The following SLC24A3 variants were observed in gnomAD, a reference collection of about 807,000 sequenced individuals.
SLC24A3 encodes solute carrier family 24 member 3, also known as sodium/potassium/calcium exchanger 3.
SLC24A3 carries 28 observed loss-of-function variants against 75.8 expected under a neutral mutation model. The ratio of observed to expected loss-of-function variants is 0.37; its 90% CI spans 0.27 to 0.51. The LOEUF (loss-of-function observed/expected upper bound fraction) is 0.51. Among genes scored for constraint, SLC24A3 ranks in the 20% least tolerant of loss-of-function variants. The probability of loss-of-function intolerance (pLI) is 0.94; values close to 1 mark genes in which losing one functional copy is unlikely to be tolerated. For synonymous variants in SLC24A3, 372 were observed against 334.1 expected (o/e 1.11, Z -1.24); for missense variants, 663 against 847.8 (o/e 0.78, Z 2.71).
At chr20:19,391,003 A>G (rs1397338096) in intron 2 of SLC24A3, among the ~76,000 whole-genome samples, 1 of 152,200 alleles carries the variant, frequency 6.6e-6, no homozygotes. Context: ...GCCTGGCACC[A>G]GTGTGGGCTT....
chr20:19,705,890 C>T (rs1242882289), intron 15 of SLC24A3, among the ~76,000 whole-genome samples: 1 of 152,078 alleles, frequency 6.6e-6, no homozygotes, highest in Non-Finnish European at 1.5e-5. Context: ...TACCTAAGTG[C>T]CCAAAATAAG....
chr20:19,470,933 G>A (rs568089232), intron 2 of SLC24A3, among the ~76,000 whole-genome samples: 7 of 152,288 alleles, frequency 4.6e-5, no homozygotes, highest in African/African-American at 1.7e-4. Context: ...GTGGGGGTTC[G>A]AAGCAGGATA....
chr20:19,222,015 TATC>T (rs1981728093), intron 1 of SLC24A3, among the ~76,000 whole-genome samples: 1 of 152,202 alleles, frequency 6.6e-6, no homozygotes, highest in African/African-American at 2.4e-5. Context: ...CTAATTTTCT[TATC>T]TCTTCTCTCC....
chr20:19,314,817 C>A (rs1031098895), intron 2 of SLC24A3, among the ~76,000 whole-genome samples: 7 of 152,224 alleles, frequency 4.6e-5, no homozygotes, highest in African/African-American at 1.7e-4. Flanking sequence ...GGTTACCAGG[C>A]CTTGGCCTGT....
At chr20:19,565,643 C>A (rs1472909495) in intron 3 of SLC24A3, among the ~76,000 whole-genome samples, 1 of 152,174 alleles carries the variant, frequency 6.6e-6, no homozygotes, top group Non-Finnish European at 1.5e-5. Flanking sequence ...CTGAGCAACC[C>A]AACCAAGACC....
intron 8 of SLC24A3, among the ~76,000 whole-genome samples, chr20:19,669,131 C>T (rs1009989744): frequency 4.6e-5 from 7 of 152,154 alleles, no homozygotes; most frequent in Admixed American, 2.0e-4. Flanking sequence ...GGGTGGGGTT[C>T]TCTTAGCAGG....
intron 2 of SLC24A3, among the ~76,000 whole-genome samples, chr20:19,285,188 A>G (rs1250028952): frequency 6.6e-6 from 1 of 152,184 alleles, no homozygotes; most frequent in African/African-American, 2.4e-5. Context: ...CTGCTTTCAA[A>G]AAAATGGCAC....
At chr20:19,643,053 G>A (rs551187358) in intron 6 of SLC24A3, among the ~76,000 whole-genome samples, 12 of 152,246 alleles carry the variant, frequency 7.9e-5, no homozygotes, top group South Asian at 4.1e-4. Flanking sequence ...AAAATAGATC[G>A]TCTGAAGATC....
At chr20:19,413,255 A>C (rs1306560235) in intron 2 of SLC24A3, among the ~76,000 whole-genome samples, 1 of 152,252 alleles carries the variant, frequency 6.6e-6, no homozygotes, top group Non-Finnish European at 1.5e-5. Context: ...AAATGGAGAA[A>C]TGAGAACTTG....
intron 7 of SLC24A3, among the ~76,000 whole-genome samples, chr20:19,655,839 T>C (rs890856481): frequency 3.9e-5 from 6 of 152,118 alleles, no homozygotes; most frequent in African/African-American, 1.4e-4. Context: ...GCTTTGTAGA[T>C]GGAAGGTCGT....
At chr20:19,685,451 A>G in intron 12 of SLC24A3, 90 bp downstream of exon 12, 1 of 1,534,394 alleles carries the variant, frequency 6.5e-7, no homozygotes, top group South Asian at 1.3e-5. Flanking sequence ...TTACCATTCA[A>G]TTTTTTAAAA....
rs201742398 is a variant in SLC24A3, at chr20:19,467,139, TG to T, written c.272-48347del. Among the ~76,000 whole-genome samples the T allele has an allele frequency of 7.6e-3, 1,161 of 152,056 alleles. 15 individuals carry two copies. The highest frequency in any genetic ancestry group is 0.026 in the African/African-American group (1,090 of 41,458). ...CACTCTAGCTGTTGGATGGGAAAAA[TG>T]GATTGTAGGGGGATAAAAGCAAAAG... On this transcript the variant is annotated intron_variant, in intron 2 of 16. Transcript: ENST00000328041.
intron 2 of SLC24A3, among the ~76,000 whole-genome samples, chr20:19,359,459 T>C (rs963705180): frequency 2.6e-5 from 4 of 152,146 alleles, no homozygotes; most frequent in Non-Finnish European, 4.4e-5. Flanking sequence ...ACCCATGTCA[T>C]CTGGGTGCAG....
Position 19,357,474 on chromosome 20 carries a change from T to A in SLC24A3, c.271+76387T>A, listed in dbSNP as rs892415500. 1.8e-4 allele frequency among the ~76,000 whole-genome samples: 28 copies of A among 152,232 alleles called. 1 individual carries two copies. Among genetic ancestry groups the A allele is most frequent in the Admixed American group, 1.6e-3 (25 of 15,286 alleles). ...GGATTGATTATTCATCAACATTGCCTATTTTTTCTTATTAACTGTAAGAGA... is the reference window on the plus strand; with the variant it reads ...GGATTGATTATTCATCAACATTGCCAATTTTTTCTTATTAACTGTAAGAGA... On this transcript the variant is annotated intron_variant, in intron 2 of 16. Coordinates refer to ENST00000328041, the MANE Select transcript of SLC24A3 (RefSeq NM_020689.4).
intron 1 of SLC24A3, among the ~76,000 whole-genome samples, chr20:19,252,595 TTCTC>T (rs1393324665): frequency 3.4e-5 from 5 of 148,488 alleles, no homozygotes; most frequent in South Asian, 4.3e-4. Context: ...CTGTTCTCTT[TTCTC>T]TCTCTTTCAG....
intron 3 of SLC24A3, among the ~76,000 whole-genome samples, chr20:19,521,485 G>A (rs963899244): frequency 6.6e-6 from 1 of 152,162 alleles, no homozygotes; most frequent in Non-Finnish European, 1.5e-5. Flanking sequence ...CAGCAAAAGT[G>A]GAGACTTATG....
intron 6 of SLC24A3, among the ~76,000 whole-genome samples, chr20:19,627,354 A>G (rs2031878241): frequency 6.6e-6 from 1 of 152,196 alleles, no homozygotes; most frequent in Non-Finnish European, 1.5e-5. Flanking sequence ...TGACTCTCCT[A>G]CTATCTCCAT....
intron 15 of SLC24A3, among the ~76,000 whole-genome samples, chr20:19,702,061 C>T (rs1047689218): frequency 6.6e-5 from 10 of 152,144 alleles, no homozygotes; most frequent in African/African-American, 2.2e-4. Context: ...CAGAAGCAAA[C>T]CAGTTTATCT....
intron 4 of SLC24A3, among the ~76,000 whole-genome samples, chr20:19,580,827 A>T (rs2031208613): frequency 6.6e-6 from 1 of 152,166 alleles, no homozygotes; most frequent in Admixed American, 6.5e-5. Context: ...TCCCCCAGAC[A>T]CATCTGTCGA....
Sources: allele counts gnomAD v4.1 joint callset (sites outside exome capture counted in the v4.1 genomes callset), GRCh38; gene constraint gnomAD v4.1.1; transcripts MANE v1.5; gene names NCBI Gene and HGNC (gene_info 2026-07-23, HGNC 2026-07-21).